The following TMEM131L variants were observed in gnomAD, a reference collection of about 807,000 sequenced individuals.
TMEM131L encodes the protein transmembrane 131 like.
TMEM131L carries 54 observed loss-of-function variants against 192.2 expected under a neutral mutation model. The observed-to-expected ratio is 0.28, with a 90% CI of 0.23 to 0.35. The LOEUF is 0.35. Among genes scored for constraint, TMEM131L ranks in the 10% least tolerant of loss-of-function variants. The pLI, the probability that TMEM131L is intolerant of heterozygous loss-of-function variation, is 1.00. For missense variants in TMEM131L, 1,888 were observed against 1,972.9 expected, an observed-to-expected ratio of 0.96 and a Z score of 0.82; for synonymous variants, 701 against 704.9, an observed-to-expected ratio of 0.99 and a Z score of 0.09.
chr4:153,561,945 A>G (rs943139382), intron 7 of TMEM131L, among the ~76,000 whole-genome samples: 2 of 146,382 alleles, frequency 1.4e-5, no homozygotes, highest in Admixed American at 6.7e-5. Context: ...AGAAACCAGT[A>G]TTTAAAAATC....
intron 2 of TMEM131L, among the ~76,000 whole-genome samples, chr4:153,471,954 G>T (rs1349636734): frequency 6.6e-6 from 1 of 152,172 alleles, no homozygotes. Flanking sequence ...GATACACAGA[G>T]TTTTTGTTAT....
intron 25 of TMEM131L, among the ~76,000 whole-genome samples, chr4:153,608,639 C>A (rs1231320071): frequency 6.6e-6 from 1 of 152,174 alleles, no homozygotes; most frequent in African/African-American, 2.4e-5. Flanking sequence ...GAATTACATT[C>A]CTCACCTTTC....
At chr4:153,543,163 C>T (rs1180859485) in intron 3 of TMEM131L, among the ~76,000 whole-genome samples, 3 of 152,130 alleles carry the variant, frequency 2.0e-5, no homozygotes, top group Non-Finnish European at 4.4e-5. Flanking sequence ...AAAATCATGT[C>T]CTACCAAAAA....
At chr4:153,548,052 G>T (rs574709306) in intron 3 of TMEM131L, among the ~76,000 whole-genome samples, 1 of 151,864 alleles carries the variant, frequency 6.6e-6, no homozygotes, top group African/African-American at 2.4e-5. Flanking sequence ...TACTGAGCCT[G>T]GCCAGCTCCG....
Position 153,635,424 on chromosome 4 carries a change from C to G in TMEM131L, c.4418-8C>G. ...TTACCTATGATGATATTCTCCCATT[C>G]TTTGTAGAAAACATGAACTATGCCA... On this transcript the variant is annotated splice_polypyrimidine_tract_variant and splice_region_variant and intron_variant, in intron 33 of 34. Transcript: ENST00000409959. The G allele has an allele frequency of 6.2e-7, 1 of 1,612,912 alleles. No homozygotes were observed. The highest frequency in any genetic ancestry group is 1.1e-5 in the South Asian group (1 of 90,994).
At position 153,601,451 on chromosome 4, in the gene TMEM131L, C is replaced by T. The variant is rs181838828; in HGVS notation, c.2267-701C>T. Among the ~76,000 whole-genome samples, 115 of 151,880 alleles carry T rather than the reference C, an allele frequency of 7.6e-4. 1 individual carries two copies. The highest frequency in any genetic ancestry group is 2.6e-3 in the African/African-American group (106 of 41,408). ...CTAAGGTCAGAGGATTGTTGGAGTCCAGGAGTTCAAGGCTGCAGTGAGCTA... is the reference window on the plus strand; with the variant it reads ...CTAAGGTCAGAGGATTGTTGGAGTCTAGGAGTTCAAGGCTGCAGTGAGCTA... On this transcript the variant is annotated intron_variant, in intron 21 of 34. Transcript: ENST00000409959.
Position 153,583,211 on chromosome 4 carries a change from A to G in TMEM131L, c.914A>G (p.Tyr305Cys). 2 of 1,455,844 alleles carry G rather than the reference A, an allele frequency of 1.4e-6. No individual in the cohort carries two copies. The highest frequency in any genetic ancestry group is 1.9e-6 in the Non-Finnish European group (2 of 1,036,044). The allele number at this position is 1,455,844 out of a possible 1,614,324, so 90.2% of individuals were successfully genotyped here. Residue 305 changes from tyrosine (Y) to cysteine (C), a missense_variant, in exon 10 of 35, where the codon TAT becomes TGT. Tyr to Cys is a radical substitution (Grantham distance 194). Transcript: ENST00000409959. Reference protein sequence around the residue: ...ETSDDSAVNMYILHSGNSLIW... With the variant: ...ETSDDSAVNMCILHSGNSLIW... ...ACAGATGATTCAGCAGTAAATATGT[A>G]TATATTACATTCAGGAAACAGCCTT...
intron 7 of TMEM131L, among the ~76,000 whole-genome samples, chr4:153,570,097 T>C (rs1288128329): frequency 6.6e-6 from 1 of 152,208 alleles, no homozygotes; most frequent in African/African-American, 2.4e-5. Flanking sequence ...CTGGATTTGT[T>C]CTTGCTAGAA....
chr4:153,613,306 A>G (rs1193446688), intron 26 of TMEM131L, among the ~76,000 whole-genome samples: 1 of 152,234 alleles, frequency 6.6e-6, no homozygotes, highest in Non-Finnish European at 1.5e-5. Flanking sequence ...AAATTTGGCA[A>G]TTATAACCAC....
At chr4:153,568,939 T>C (rs1369581253) in intron 7 of TMEM131L, among the ~76,000 whole-genome samples, 1 of 152,082 alleles carries the variant, frequency 6.6e-6, no homozygotes, top group Non-Finnish European at 1.5e-5. Context: ...TCCCCTAGGG[T>C]AGACTTTGGG....
rs768548948 is a variant in TMEM131L at position 153,621,715 on chromosome 4, G to A, written c.3725G>A (p.Cys1242Tyr). 5.0e-6 allele frequency: 8 copies of A among 1,614,018 alleles called. No individual in the cohort carries two copies. Among genetic ancestry groups the A allele is most frequent in the Non-Finnish European group, 6.8e-6 (8 of 1,180,024 alleles). Residue 1242 changes from cysteine (C) to tyrosine (Y), a missense_variant, in exon 28 of 35, where the codon TGC becomes TAC. By Grantham distance (194) the Cys-to-Tyr change is radical. Coordinates refer to ENST00000409959, the MANE Select transcript of TMEM131L (RefSeq NM_001131007.2). Reference sequence around the variant, plus strand: ...GAACAGAGTGATCTAAAGCTTGTGTGCAGTGACTTTGAGAGGTCTGAGCTG... The same window carrying A: ...GAACAGAGTGATCTAAAGCTTGTGTACAGTGACTTTGAGAGGTCTGAGCTG... ...PPEQSDLKLV[C>Y]SDFERSELSS...
chr4:153,496,614 G>T (rs1387682844), intron 3 of TMEM131L, among the ~76,000 whole-genome samples: 1 of 151,874 alleles, frequency 6.6e-6, no homozygotes, highest in Non-Finnish European at 1.5e-5. Context: ...GTTGGAGTGT[G>T]GTGGCATGAT....
At chr4:153,601,074 C>T (rs565533945) in intron 21 of TMEM131L, among the ~76,000 whole-genome samples, 4 of 147,956 alleles carry the variant, frequency 2.7e-5, no homozygotes, top group South Asian at 2.1e-4. Flanking sequence ...TGTATCACTG[C>T]ACTCCAGCCT....
intron 3 of TMEM131L, among the ~76,000 whole-genome samples, chr4:153,488,942 C>G (rs1440456256): frequency 6.6e-6 from 1 of 152,156 alleles, no homozygotes; most frequent in African/African-American, 2.4e-5. Context: ...CGTGCTTTCA[C>G]GTGGCTGTCG....
intron 3 of TMEM131L, among the ~76,000 whole-genome samples, chr4:153,488,058 G>A (rs1732485140): frequency 6.7e-6 from 1 of 150,108 alleles, no homozygotes; most frequent in African/African-American, 2.5e-5. Flanking sequence ...GTGTATGTGT[G>A]CATGTTGAGA....
chr4:153,511,495 G>A (rs1312035701), intron 3 of TMEM131L, among the ~76,000 whole-genome samples: 1 of 152,140 alleles, frequency 6.6e-6, no homozygotes, highest in African/African-American at 2.4e-5. Context: ...GTGCGAGGAG[G>A]GAGAGTATCA....
intron 32 of TMEM131L, among the ~76,000 whole-genome samples, 156 bp from the exon 33 acceptor site, chr4:153,634,036 C>G (rs142343382): frequency 6.6e-6 from 1 of 152,150 alleles, no homozygotes; most frequent in Non-Finnish European, 1.5e-5. Flanking sequence ...ATTTAGTAAG[C>G]CTTTGATTCT....
intron 4 of TMEM131L, among the ~76,000 whole-genome samples, chr4:153,551,901 A>C (rs989508109): frequency 1.3e-5 from 2 of 152,130 alleles, no homozygotes; most frequent in African/African-American, 4.8e-5. Flanking sequence ...AGGGTGCTAT[A>C]ATTTTGTGAA....
chr4:153,491,269 A>G (rs1732762601), intron 3 of TMEM131L, among the ~76,000 whole-genome samples: 1 of 152,196 alleles, frequency 6.6e-6, no homozygotes, highest in Admixed American at 6.5e-5. Flanking sequence ...TGACTAATAG[A>G]AGGGAAGAGA....
Sources: allele counts gnomAD v4.1 joint callset (sites outside exome capture counted in the v4.1 genomes callset), GRCh38; gene constraint gnomAD v4.1.1; transcripts MANE v1.5; gene names NCBI Gene and HGNC (gene_info 2026-07-23, HGNC 2026-07-21).